The following ROR1 variants were observed in gnomAD, a reference collection of about 807,000 sequenced individuals.
ROR1 encodes the protein inactive tyrosine-protein kinase transmembrane receptor ROR1.
A neutral mutation model predicts 78.8 loss-of-function variants in ROR1; 19 were observed. The observed-to-expected ratio is 0.24, with a 90% CI of 0.17 to 0.35. ROR1 has a LOEUF of 0.35. Ranked by LOEUF, ROR1 falls within the 10% of genes least tolerant of loss-of-function variation. The pLI, the probability that ROR1 is intolerant of heterozygous loss-of-function variation, is 1.00. For synonymous variants in ROR1, 386 were observed against 433.6 expected (o/e 0.89, Z 1.36); for missense variants, 917 against 1,177.8 (o/e 0.78, Z 3.24).
intron 7 of ROR1, 127 bp downstream of exon 7, chr1:64,142,777 G>T (rs1649362116): frequency 2.7e-6 from 4 of 1,470,354 alleles, no homozygotes; most frequent in Non-Finnish European, 3.6e-6. Flanking sequence ...ATCTCAATCT[G>T]GTTTTAGGGT....
intron 4 of ROR1, among the ~76,000 whole-genome samples, chr1:64,103,238 G>A (rs186001224): frequency 6.6e-6 from 1 of 152,080 alleles, no homozygotes; most frequent in East Asian, 1.9e-4. Context: ...TTCCAATTCT[G>A]TGAAGAAAGT....
At chr1:63,926,330 T>C (rs1482543121) in intron 1 of ROR1, among the ~76,000 whole-genome samples, 6 of 151,688 alleles carry the variant, frequency 4.0e-5, no homozygotes, top group Admixed American at 3.9e-4. Context: ...GTTGTAGATA[T>C]GTGGCGTTAT....
intron 1 of ROR1, among the ~76,000 whole-genome samples, chr1:63,776,285 T>G (rs893534165): frequency 6.6e-6 from 1 of 152,234 alleles, no homozygotes; most frequent in African/African-American, 2.4e-5. Context: ...AACACCCTTC[T>G]TATCAGCAGC....
intron 1 of ROR1, among the ~76,000 whole-genome samples, chr1:63,862,409 A>G (rs1281107654): frequency 1.3e-5 from 2 of 151,758 alleles, no homozygotes; most frequent in African/African-American, 2.4e-5. Flanking sequence ...AAAAAAAAAA[A>G]AAAAAGAAAT....
At chr1:63,840,998 A>G (rs1645046335) in intron 1 of ROR1, among the ~76,000 whole-genome samples, 1 of 152,120 alleles carries the variant, frequency 6.6e-6, no homozygotes, top group South Asian at 2.1e-4. Flanking sequence ...AATGTTCTGC[A>G]TTATCTCTAA....
chr1:63,965,973 C>G (rs1309409925), intron 1 of ROR1, among the ~76,000 whole-genome samples: 1 of 152,116 alleles, frequency 6.6e-6, no homozygotes, highest in Non-Finnish European at 1.5e-5. Context: ...AGTTTATTCC[C>G]CTTTAAAGTG....
intron 4 of ROR1, among the ~76,000 whole-genome samples, chr1:64,064,296 G>C (rs1646939566): frequency 6.6e-6 from 1 of 152,148 alleles, no homozygotes; most frequent in Non-Finnish European, 1.5e-5. Flanking sequence ...TCTGTTCTGT[G>C]GGCACTGGAG....
intron 1 of ROR1, among the ~76,000 whole-genome samples, chr1:63,984,780 C>A (rs916136699): frequency 6.6e-6 from 1 of 152,178 alleles, no homozygotes; most frequent in Non-Finnish European, 1.5e-5. Context: ...GATAGCTGAA[C>A]ATGGACAGAT....
In ROR1 at chr1:64,169,458, C is replaced by T. The variant is rs187789880; in HGVS notation, c.1387-7970C>T. Among the ~76,000 whole-genome samples the T allele has an allele frequency of 5.1e-4, 78 of 152,252 alleles. 2 individuals are homozygous for T. The South Asian group carries it at 0.012, about 24-fold the overall frequency. On this transcript the variant is annotated intron_variant, in intron 8 of 8. Coordinates refer to ENST00000371079, the MANE Select transcript of ROR1 (RefSeq NM_005012.4). ...CTCTCATGAGACTTATTCACTATCA[C>T]GAGAACAGCATGGGAAAGACCTGCC... is the stretch of plus-strand genomic sequence containing the variant.
At chr1:64,029,617 C>T (rs538218683) in intron 2 of ROR1, among the ~76,000 whole-genome samples, 13 of 152,306 alleles carry the variant, frequency 8.5e-5, no homozygotes, top group South Asian at 4.1e-4. Context: ...TGGCCACTGG[C>T]GTCTTGCTCT....
At chr1:63,989,422 C>T (rs546380795) in intron 1 of ROR1, among the ~76,000 whole-genome samples, 53 of 152,110 alleles carry the variant, frequency 3.5e-4, no homozygotes, top group Middle Eastern at 3.4e-3. Context: ...TATTTGCTCT[C>T]GTTTTTTTCG....
At chr1:64,065,526 G>C (rs898999730) in intron 4 of ROR1, among the ~76,000 whole-genome samples, 1 of 152,114 alleles carries the variant, frequency 6.6e-6, no homozygotes, top group African/African-American at 2.4e-5. Context: ...ATCAGATACA[G>C]GCTTCTTTAT....
At chr1:64,014,820 G>A (rs992647731) in intron 2 of ROR1, among the ~76,000 whole-genome samples, 3 of 129,804 alleles carry the variant, frequency 2.3e-5, no homozygotes, top group Admixed American at 8.2e-5. Flanking sequence ...TCTTTACCAG[G>A]TTGGAGCTTT....
At chr1:64,101,672 A>AATC (rs113984333) in intron 4 of ROR1, among the ~76,000 whole-genome samples, 59,421 of 151,800 alleles carry the variant, frequency 0.39, 12,921 homozygotes, top group Non-Finnish European at 0.51. Flanking sequence ...AAGAGACAGA[A>AATC]ATCACAATGA....
chr1:63,890,469 T>C (rs1645386214), intron 1 of ROR1, among the ~76,000 whole-genome samples: 1 of 151,062 alleles, frequency 6.6e-6, no homozygotes, highest in African/African-American at 2.4e-5. Flanking sequence ...AAAAGACTAA[T>C]TTCCTGCCCT....
At chr1:63,883,024 C>A (rs1181024647) in intron 1 of ROR1, among the ~76,000 whole-genome samples, 1 of 151,930 alleles carries the variant, frequency 6.6e-6, no homozygotes, top group Non-Finnish European at 1.5e-5. Flanking sequence ...TTCTGGAAAG[C>A]AAATTTCAGC....
intron 1 of ROR1, among the ~76,000 whole-genome samples, chr1:63,962,759 A>C (rs1180645911): frequency 6.6e-6 from 1 of 152,180 alleles, no homozygotes; most frequent in Non-Finnish European, 1.5e-5. Context: ...AGGTGAGGTC[A>C]GTGGGGCCAC....
intron 4 of ROR1, among the ~76,000 whole-genome samples, chr1:64,133,907 C>T (rs1649013947): frequency 6.6e-6 from 1 of 152,228 alleles, no homozygotes; most frequent in Non-Finnish European, 1.5e-5. Flanking sequence ...ATTTGTTCCC[C>T]TCCAGCCAAA....
intron 1 of ROR1, among the ~76,000 whole-genome samples, chr1:63,850,926 T>C (rs1186768574): frequency 6.6e-6 from 1 of 152,176 alleles, no homozygotes; most frequent in Non-Finnish European, 1.5e-5. Context: ...TTGCTCTCTA[T>C]ATCAGCAGAG....
Sources: gnomAD v4.1 joint callset for allele counts (sites outside exome capture counted in the v4.1 genomes callset) on GRCh38, gnomAD v4.1.1 for gene constraint, MANE v1.5 for transcripts, NCBI Gene and HGNC (gene_info 2026-07-23, HGNC 2026-07-21) for gene names.